Variants in IQSEC3 observed in about 807,000 individuals in gnomAD.
IQSEC3 encodes the protein IQ motif and SEC7 domain-containing protein 3.
In IQSEC3, 50 loss-of-function variants were observed where a neutral mutation model predicts 105.4. The observed-to-expected ratio is 0.47, with a 90% confidence interval of 0.38 to 0.60. IQSEC3 has a LOEUF of 0.60. Ranked by LOEUF, IQSEC3 falls within the 20% of genes least tolerant of loss-of-function variation. IQSEC3 has a pLI of 0.00. For synonymous variants in IQSEC3, 708 were observed against 746.0 expected (o/e 0.95, Z 0.83); for missense variants, 1,415 against 1,630.0 (o/e 0.87, Z 2.27).
At chr12:158,595 T>G (rs974345242) in intron 7 of IQSEC3, among the ~76,000 whole-genome samples, 1 of 152,210 alleles carries the variant, frequency 6.6e-6, no homozygotes, top group Admixed American at 6.5e-5. Flanking sequence ...ATTTGACGAG[T>G]CCTGCCAGTC....
chr12:101,246 C>T (rs1337691653), intron 2 of IQSEC3, among the ~76,000 whole-genome samples: 2 of 152,206 alleles, frequency 1.3e-5, no homozygotes, highest in African/African-American at 4.8e-5. Flanking sequence ...GCCCTAGCTC[C>T]AGGTGGGAAG....
intron 3 of IQSEC3, chr12:137,600 G>C (rs1865816806): frequency 6.9e-6 from 1 of 145,036 alleles, no homozygotes; most frequent in South Asian, 2.2e-4. Flanking sequence ...TTACCCATAA[G>C]TACTTCTGTA....
At chr12:171,984 C>T (rs968155571) in intron 13 of IQSEC3, among the ~76,000 whole-genome samples, 2 of 152,080 alleles carry the variant, frequency 1.3e-5, no homozygotes, top group Admixed American at 6.5e-5. Flanking sequence ...GCCTCGTGAG[C>T]CCCACCCCTC....
intron 1 of IQSEC3, among the ~76,000 whole-genome samples, chr12:69,256 G>A (rs1481442955): frequency 4.6e-5 from 7 of 152,276 alleles, no homozygotes; most frequent in African/African-American, 1.7e-4. Context: ...AAGAGTTGAG[G>A]AAAGATTATT....
At chr12:85,884 G>A (rs1555071957) in intron 1 of IQSEC3, among the ~76,000 whole-genome samples, 2 of 152,170 alleles carry the variant, frequency 1.3e-5, no homozygotes, top group Admixed American at 6.5e-5. Flanking sequence ...TTTGTTTCCA[G>A]GCATGTGCAT....
chr12:127,212 C>G (rs968010161), intron 3 of IQSEC3, among the ~76,000 whole-genome samples: 1 of 152,148 alleles, frequency 6.6e-6, no homozygotes, highest in Non-Finnish European at 1.5e-5. Context: ...GTGATAGCAT[C>G]CCAGACTTTG....
intron 3 of IQSEC3, among the ~76,000 whole-genome samples, chr12:131,917 C>T (rs2136982642): frequency 6.6e-6 from 1 of 152,294 alleles, no homozygotes; most frequent in Middle Eastern, 3.4e-3. Context: ...GCAGTTGCTC[C>T]ATGCCAGTTA....
At chr12:74,589 G>A (rs1331303614) in intron 1 of IQSEC3, among the ~76,000 whole-genome samples, 1 of 152,272 alleles carries the variant, frequency 6.6e-6, no homozygotes, top group Non-Finnish European at 1.5e-5. Context: ...TTCCTCCCTG[G>A]CAGGTGGGCT....
At chr12:141,436 C>A in intron 5 of IQSEC3, 151 bp downstream of exon 5, 3 of 789,478 alleles carry the variant, frequency 3.8e-6, no homozygotes, top group South Asian at 1.9e-5. Flanking sequence ...CCCTCTTTAG[C>A]CCATCACCCC....
intron 11 of IQSEC3, among the ~76,000 whole-genome samples, chr12:168,399 C>T (rs1555099142): frequency 6.6e-6 from 1 of 152,108 alleles, no homozygotes; most frequent in Non-Finnish European, 1.5e-5. Context: ...GCTCTGTCCT[C>T]CCAGGCAGGC....
intron 11 of IQSEC3, among the ~76,000 whole-genome samples, chr12:168,776 T>C (rs1555099273): frequency 1.3e-5 from 2 of 152,060 alleles, no homozygotes. Flanking sequence ...CTTCTGTGCC[T>C]CTCTGACGTT....
intron 1 of IQSEC3, among the ~76,000 whole-genome samples, chr12:93,609 T>C (rs1207959182): frequency 2.0e-5 from 3 of 152,216 alleles, no homozygotes; most frequent in African/African-American, 7.2e-5. Flanking sequence ...GCCCACGGTC[T>C]CAGTATGGCT....
intron 1 of IQSEC3, among the ~76,000 whole-genome samples, chr12:92,298 G>C (rs1442601476): frequency 6.6e-6 from 1 of 152,320 alleles, no homozygotes; most frequent in Middle Eastern, 3.4e-3. Flanking sequence ...CGAGAATGAC[G>C]ATGTTCCTTT....
At chr12:174,523 G>T in intron 13 of IQSEC3, 76 bp from the exon 14 acceptor site, 1 of 1,331,104 alleles carries the variant, frequency 7.5e-7, no homozygotes, top group South Asian at 1.5e-5. Context: ...GCCAGGGGAG[G>T]CACAGGGCAG....
chr12:70,261 C>T (rs1555067145), intron 1 of IQSEC3, among the ~76,000 whole-genome samples: 2 of 152,262 alleles, frequency 1.3e-5, no homozygotes, highest in African/African-American at 2.4e-5. Flanking sequence ...GGCAGAAGCC[C>T]TAGATAACTG....
At position 98,957 on chromosome 12, in the gene IQSEC3, C is replaced by T. The variant is rs533919787; in HGVS notation, c.555-189C>T. On this transcript the variant is annotated intron_variant, in intron 1 of 13. Transcript: ENST00000538872. ...GAGCCTAATGGGTGATTTAAGAGGC[C>T]TCTGATGGACAGAGCATCGATGCTG... is the stretch of plus-strand genomic sequence containing the variant. Among the ~76,000 whole-genome samples the T allele has an allele frequency of 2.0e-5, 3 of 152,168 alleles. No individual in the cohort carries two copies. In the South Asian group the frequency reaches 6.2e-4, roughly 32 times the overall value.
chr12:138,554 G>A lies in IQSEC3; in HGVS notation c.1191G>A (p.Glu397=), dbSNP rs782549208. ...CCACCTTCGCAGGCACCCTCACCGA[G>A]CTGGAGGACTCCTTCACCGAGCAGG... is the stretch of plus-strand genomic sequence containing the variant. The part of the protein sequence containing the change: ...LPPTFAGTLT[E]LEDSFTEQVQ... The change falls in exon 4 of 14, where the codon GAG becomes GAA. Residue 397 remains glutamate, a synonymous_variant. Transcript: ENST00000538872. The surrounding 1 kb of genome is among the most constrained non-coding windows in gnomAD (Gnocchi z 7.1). The A allele has an allele frequency of 1.3e-6, 2 of 1,582,712 alleles. No individual in the cohort carries two copies. The highest frequency in any genetic ancestry group is 1.7e-6 in the Non-Finnish European group (2 of 1,171,674).
chr12:106,687 T>C (rs915786444), intron 2 of IQSEC3: 7 of 152,272 alleles, frequency 4.6e-5, no homozygotes, highest in Non-Finnish European at 7.3e-5. Context: ...TCTTGTTTCA[T>C]TTACTGGAAG....
intron 2 of IQSEC3, among the ~76,000 whole-genome samples, chr12:109,828 GTCTCTTGC>G (rs1350422325): frequency 1.3e-5 from 2 of 152,216 alleles, no homozygotes; most frequent in East Asian, 3.9e-4. Context: ...GTCTTTTCCA[GTCTCTTGC>G]TCTCGCTCGT....
Sources: allele counts gnomAD v4.1 joint callset (sites outside exome capture counted in the v4.1 genomes callset), GRCh38; gene constraint gnomAD v4.1.1; non-coding constraint Gnocchi (gnomAD v3.1); transcripts MANE v1.5; gene names NCBI Gene and HGNC (gene_info 2026-07-23, HGNC 2026-07-21).